FEM1B: variants seen among roughly 807,000 people sequenced by gnomAD.
FEM1B encodes fem-1 homolog B.
In FEM1B, 10 loss-of-function variants were observed where a neutral mutation model predicts 38.6. The observed-to-expected ratio is 0.26, with a 90% CI of 0.16 to 0.44. The LOEUF is 0.44. Ranked by LOEUF, FEM1B falls within the 20% of genes least tolerant of loss-of-function variation. The pLI is 1.00. For missense variants in FEM1B, 471 were observed against 786.7 expected (o/e 0.60, Z 4.80); for synonymous variants, 288 against 288.0 (o/e 1.00, Z 0.00).
At position 68,291,334 on chromosome 15, in the gene FEM1B, T is replaced by G; in HGVS notation, c.*92T>G. 9.9e-7 allele frequency: 1 copy of G among 1,006,314 alleles called. No homozygotes were observed. The highest frequency in any genetic ancestry group is 1.4e-6 in the Non-Finnish European group (1 of 690,774). The allele number at this position is 1,006,314 out of a possible 1,614,324, so 62.3% of individuals were successfully genotyped here. ...AGAATTATGTGTTCATAAATTCTGC[T>G]TTTCTTTCCACTACCCTTCCTCCCA... is the stretch of plus-strand genomic sequence containing the variant. On this transcript the variant is annotated 3_prime_UTR_variant, in exon 2 of 2. Transcript: ENST00000306917. This position sits in a 1 kb window ranked among gnomAD's most constrained non-coding sequence, Gnocchi z 6.9.
chr15:68,287,974 C>T (rs1423811810), intron 1 of FEM1B, among the ~76,000 whole-genome samples: 4 of 151,854 alleles, frequency 2.6e-5, no homozygotes, highest in South Asian at 2.1e-4. Context: ...GGATTATAGG[C>T]GTGTGCCACC....
rs1375707528 is a variant in FEM1B, at chr15:68,294,961, A to G, written c.*3719A>G. 2 of 152,190 alleles carry G rather than the reference A, an allele frequency of 1.3e-5. No homozygotes were observed. Among genetic ancestry groups the G allele is most frequent in the African/African-American group, 4.8e-5 (2 of 41,448 alleles). 9.4% of individuals were successfully genotyped at this position (152,190 alleles called of 1,614,324 possible). On this transcript the variant is annotated 3_prime_UTR_variant, in exon 2 of 2. Transcript: ENST00000306917. The surrounding 1 kb of genome is among the most constrained non-coding windows in gnomAD (Gnocchi z 4.4). The stretch of plus-strand genomic sequence containing the variant: ...CATCTCTTGAAAGTAGAAAACTCCT[A>G]TGTGTTTATCACATTGCAGGGCTTT...
At position 68,290,334 on chromosome 15, in the gene FEM1B, A is replaced by AT; in HGVS notation, c.977dup (p.Met326IlefsTer14). On this transcript the variant is annotated frameshift_variant, in exon 2 of 2. Coordinates refer to ENST00000306917, the MANE Select transcript of FEM1B (RefSeq NM_015322.5). LOFTEE classifies it high-confidence loss of function. This position sits in a 1 kb window ranked among gnomAD's most constrained non-coding sequence, Gnocchi z 9.7. Reference sequence around the variant, plus strand: ...TCGGCAAGACAGAGATGCTCTTCATATGGAAGGCCTTATAGTTCGGGAACG... The same window carrying AT: ...TCGGCAAGACAGAGATGCTCTTCATATTGGAAGGCCTTATAGTTCGGGAACG... 6.2e-7 allele frequency: 1 copy of AT among 1,614,138 alleles called. No individual in the cohort carries two copies. Among genetic ancestry groups the AT allele is most frequent in the Non-Finnish European group, 8.5e-7 (1 of 1,179,974 alleles).
Position 68,290,953 on chromosome 15 carries a change from GAAA to G in FEM1B, c.1596_1598del (p.Asn533del). 6.2e-7 allele frequency: 1 copy of G among 1,614,150 alleles called. No individual in the cohort carries two copies. ...GAGGTGAATGCCGTGGACAATGAGG[GAAA>G]CAGTGCCCTTCATATTATCGTTCAG... On this transcript the variant is annotated inframe_deletion, in exon 2 of 2. Transcript: ENST00000306917. This position sits in a 1 kb window ranked among gnomAD's most constrained non-coding sequence, Gnocchi z 9.7.
Position 68,278,201 on chromosome 15 carries a change from G to A in FEM1B, c.-217G>A, listed in dbSNP as rs1384987138. On this transcript the variant is annotated 5_prime_UTR_variant, in exon 1 of 2. Transcript: ENST00000306917. This position sits in a 1 kb window ranked among gnomAD's most constrained non-coding sequence, Gnocchi z 5.7. ...CGGCCCTGACCGCCTTCCTCCCTGC[G>A]CGGGCTGGGTCGCGGACGTGCCCTT... is the stretch of plus-strand genomic sequence containing the variant. 6 of 585,774 alleles carry A rather than the reference G, an allele frequency of 1.0e-5. No individual in the cohort carries two copies. The highest frequency in any genetic ancestry group is 2.0e-5 in the African/African-American group (1 of 49,932). The allele number at this position is 585,774 out of a possible 1,614,324, so 36.3% of individuals were successfully genotyped here.
chr15:68,295,588 C>G lies in FEM1B; in HGVS notation c.*4346C>G, dbSNP rs1002739009. 2.6e-5 allele frequency: 4 copies of G among 152,218 alleles called. No individual in the cohort carries two copies. The highest frequency in any genetic ancestry group is 4.8e-5 in the African/African-American group (2 of 41,456). 9.4% of individuals were successfully genotyped at this position (152,218 alleles called of 1,614,324 possible). ...TACACTGTTGTATTCTAGTAATTCA[C>G]TGTGATTTATAACAAACCGGTGATG... On this transcript the variant is annotated 3_prime_UTR_variant, in exon 2 of 2. Transcript: ENST00000306917.
chr15:68,282,922 A>C (rs976212581), intron 1 of FEM1B, among the ~76,000 whole-genome samples: 4 of 152,196 alleles, frequency 2.6e-5, no homozygotes, highest in African/African-American at 9.6e-5. Flanking sequence ...ACCAAGGCTA[A>C]TGTTTCTGAA....
Position 68,289,536 on chromosome 15 carries a change from T to C in FEM1B, c.249-71T>C, listed in dbSNP as rs1892824189. Reference sequence around the variant, plus strand: ...AGAGTGAGGTCTTGGTCGGTGGGAGTGAATACATCCCTTAAACATATGTTA... The same window carrying C: ...AGAGTGAGGTCTTGGTCGGTGGGAGCGAATACATCCCTTAAACATATGTTA... On this transcript the variant is annotated intron_variant, in intron 1 of 1. Transcript: ENST00000306917. The surrounding 1 kb of genome is among the most constrained non-coding windows in gnomAD (Gnocchi z 6.9). 9.2e-7 allele frequency: 1 copy of C among 1,092,002 alleles called. No homozygotes were observed. The highest frequency in any genetic ancestry group is 2.1e-5 in the Admixed American group (1 of 48,638). The allele number at this position is 1,092,002 out of a possible 1,614,324, so 67.6% of individuals were successfully genotyped here.
rs1202313069 is a variant in FEM1B, at chr15:68,294,766, T to G, written c.*3524T>G. The stretch of plus-strand genomic sequence containing the variant: ...CTTAAATGTTCCTTTTCAAATTAGA[T>G]GTGTTGATGCACACATGACTATTCT... On this transcript the variant is annotated 3_prime_UTR_variant, in exon 2 of 2. Transcript: ENST00000306917. This position sits in a 1 kb window ranked among gnomAD's most constrained non-coding sequence, Gnocchi z 4.4. The G allele has an allele frequency of 6.6e-6, 1 of 152,170 alleles. No homozygotes were observed. Among genetic ancestry groups the G allele is most frequent in the Non-Finnish European group, 1.5e-5 (1 of 68,016 alleles). 9.4% of individuals were successfully genotyped at this position (152,170 alleles called of 1,614,324 possible). A position where few individuals can be genotyped will look rare whatever the true frequency, so the allele number is the denominator to read the frequency against.
At position 68,290,627 on chromosome 15, in the gene FEM1B, C is replaced by A. The variant is rs1399949637; in HGVS notation, c.1269C>A (p.Asn423Lys). Residue 423 changes from asparagine to lysine, a missense_variant, in exon 2 of 2, where the codon AAC becomes AAA. Around this residue, in one of 3 missense-constraint regions of FEM1B, gnomAD observed 380 missense variants for 599.6 expected, o/e 0.63. Coordinates refer to ENST00000306917, the MANE Select transcript of FEM1B (RefSeq NM_015322.5). The surrounding 1 kb of genome is among the most constrained non-coding windows in gnomAD (Gnocchi z 9.7). ...TTTTGGAAATAGAACAAAGTATGAA[C>A]AGAGTGAAAAATATTTCAGATGCTG... ...CSVLEIEQSM[N>K]RVKNISDADV... The A allele has an allele frequency of 2.9e-5, 47 of 1,613,976 alleles. No individual in the cohort carries two copies. The highest frequency in any genetic ancestry group is 3.7e-5 in the Non-Finnish European group (44 of 1,179,970).
chr15:68,278,234 C>G lies in FEM1B; in HGVS notation c.-184C>G. On this transcript the variant is annotated 5_prime_UTR_variant, in exon 1 of 2. Coordinates refer to ENST00000306917, the MANE Select transcript of FEM1B (RefSeq NM_015322.5). This position sits in a 1 kb window ranked among gnomAD's most constrained non-coding sequence, Gnocchi z 5.7. ...GGTCGCGGACGTGCCCTTCGCGGCACTCGGCCTCCTCTGCGTCTCCGCCTT... is the reference window on the plus strand; with the variant it reads ...GGTCGCGGACGTGCCCTTCGCGGCAGTCGGCCTCCTCTGCGTCTCCGCCTT... The G allele has an allele frequency of 1.3e-6, 1 of 792,786 alleles. No individual in the cohort carries two copies. The highest frequency in any genetic ancestry group is 1.9e-5 in the South Asian group (1 of 53,018). 49.1% of individuals were successfully genotyped at this position (792,786 alleles called of 1,614,324 possible).
chr15:68,287,737 C>G (rs895836242), intron 1 of FEM1B, among the ~76,000 whole-genome samples: 1 of 151,614 alleles, frequency 6.6e-6, no homozygotes, highest in African/African-American at 2.4e-5. Context: ...GTTCAGTTGT[C>G]TGGTGAGGGC....
Position 68,290,090 on chromosome 15 carries a change from C to T in FEM1B, c.732C>T (p.Cys244=), listed in dbSNP as rs779808143. ...VVELLLSHAD[C]DRRSRIEALE... is the part of the protein sequence containing the mutation. ...AACTGTTACTCTCTCATGCTGATTG[C>T]GACCGAAGAAGTCGGATTGAAGCTT... The change falls in exon 2 of 2, where the codon TGC becomes TGT. Residue 244 remains cysteine (C), a synonymous_variant. Transcript: ENST00000306917. The surrounding 1 kb of genome is among the most constrained non-coding windows in gnomAD (Gnocchi z 9.7). 8.9e-5 allele frequency: 144 copies of T among 1,614,024 alleles called. No homozygotes were observed. The highest frequency in any genetic ancestry group is 1.1e-4 in the Non-Finnish European group (130 of 1,180,028).
Position 68,285,768 on chromosome 15 carries a change from A to C in FEM1B, c.249-3839A>C, listed in dbSNP as rs183268937. 5.7e-4 allele frequency among the ~76,000 whole-genome samples: 86 copies of C among 151,690 alleles called. 1 individual carries two copies. The East Asian group carries it at 0.013, about 23-fold the overall frequency. Reference sequence around the variant, plus strand: ...AGGCTGGTCTTGAACTCTTAGGTTCAAACAGTCCTCTTCTTAGCCCCCCCG... The same window carrying C: ...AGGCTGGTCTTGAACTCTTAGGTTCCAACAGTCCTCTTCTTAGCCCCCCCG... On this transcript the variant is annotated intron_variant, in intron 1 of 1. Coordinates refer to ENST00000306917, the MANE Select transcript of FEM1B (RefSeq NM_015322.5).
At position 68,289,840 on chromosome 15, in the gene FEM1B, C is replaced by T; in HGVS notation, c.482C>T (p.Ala161Val). Residue 161 changes from alanine to valine, a missense_variant, in exon 2 of 2, where the codon GCG (alanine) becomes GTG (valine). Ala to Val is a moderately conservative substitution (Grantham distance 64, BLOSUM62 0). Around this residue, in one of 3 missense-constraint regions of FEM1B, gnomAD observed 380 missense variants for 599.6 expected, o/e 0.63. Coordinates refer to ENST00000306917, the MANE Select transcript of FEM1B (RefSeq NM_015322.5). This position sits in a 1 kb window ranked among gnomAD's most constrained non-coding sequence, Gnocchi z 6.9. ...NKYDNTCLMI[A>V]AYKGHTDVVR... ...TATGACAACACCTGCCTAATGATTG[C>T]GGCATATAAGGGACACACTGATGTG... The T allele has an allele frequency of 6.2e-6, 10 of 1,613,810 alleles. No homozygotes were observed. The highest frequency in any genetic ancestry group is 2.2e-5 in the East Asian group (1 of 44,874).
rs764256411 is a variant in FEM1B, at chr15:68,289,893, G to A, written c.535G>A (p.Asp179Asn). ...CAGATACCTTTTAGAACAACGTGCT[G>A]ATCCCAATGCCAAAGCACATTGTGG... is the stretch of plus-strand genomic sequence containing the variant. ...VVRYLLEQRADPNAKAHCGAT... is the reference protein window; with the variant it reads ...VVRYLLEQRANPNAKAHCGAT... Residue 179 changes from aspartate (D) to asparagine (N), a missense_variant, in exon 2 of 2, where the codon GAT (aspartate) becomes AAT (asparagine). Asp to Asn is a conservative substitution (Grantham distance 23). Transcript: ENST00000306917. This position sits in a 1 kb window ranked among gnomAD's most constrained non-coding sequence, Gnocchi z 6.9. 12 of 1,613,898 alleles carry A rather than the reference G, an allele frequency of 7.4e-6. No individual in the cohort carries two copies. Among genetic ancestry groups the A allele is most frequent in the Non-Finnish European group, 7.6e-6 (9 of 1,179,886 alleles).
Position 68,281,663 on chromosome 15 carries a change from G to A in FEM1B, c.248+2998G>A, listed in dbSNP as rs1019091829. Among the ~76,000 whole-genome samples, 1 of 152,166 alleles carries A rather than the reference G, an allele frequency of 6.6e-6. No homozygotes were observed. The highest frequency in any genetic ancestry group is 1.5e-5 in the Non-Finnish European group (1 of 68,026). On this transcript the variant is annotated intron_variant, in intron 1 of 1. Coordinates refer to ENST00000306917, the MANE Select transcript of FEM1B (RefSeq NM_015322.5). This position sits in a 1 kb window ranked among gnomAD's most constrained non-coding sequence, Gnocchi z 5.1. ...GACGGAGTCTCGCTCTGTCGCCGGG[G>A]CTGGAGTGCAGTGGCGCGATCTCGG...
At chr15:68,279,348 A>G (rs139322594) in intron 1 of FEM1B, among the ~76,000 whole-genome samples, 23 of 152,308 alleles carry the variant, frequency 1.5e-4, no homozygotes, top group Admixed American at 2.6e-4. Context: ...GGGAAGCTTG[A>G]TCATTTACTG....
chr15:68,292,172 C>G lies in FEM1B; in HGVS notation c.*930C>G, dbSNP rs1892854111. On this transcript the variant is annotated 3_prime_UTR_variant, in exon 2 of 2. Coordinates refer to ENST00000306917, the MANE Select transcript of FEM1B (RefSeq NM_015322.5). Reference sequence around the variant, plus strand: ...TCCAGAAGGCATTATTTATGCCTCCCTAATAAGGTATTTTACTTATGACAG... The same window carrying G: ...TCCAGAAGGCATTATTTATGCCTCCGTAATAAGGTATTTTACTTATGACAG... 1 of 152,124 alleles carries G rather than the reference C, an allele frequency of 6.6e-6. No individual in the cohort carries two copies. The highest frequency in any genetic ancestry group is 2.4e-5 in the African/African-American group (1 of 41,414). 9.4% of individuals were successfully genotyped at this position (152,124 alleles called of 1,614,324 possible). A position where few individuals can be genotyped will look rare whatever the true frequency, so the allele number is the denominator to read the frequency against.
Sources: gnomAD v4.1 joint callset for allele counts (sites outside exome capture counted in the v4.1 genomes callset) on GRCh38, gnomAD v4.1.1 for gene constraint, gnomAD v4.1.1 regional missense constraint, Gnocchi (gnomAD v3.1) non-coding constraint, MANE v1.5 for transcripts, NCBI Gene and HGNC (gene_info 2026-07-23, HGNC 2026-07-21) for gene names.